Variants in CLEC2A observed in about 807,000 individuals in gnomAD.
CLEC2A encodes the protein keratinocyte-associated C-type lectin.
CLEC2A carries 19 observed loss-of-function variants against 18.6 expected under a neutral mutation model. That is an observed-to-expected ratio of 1.02 (90% CI 0.71 to 1.50). The LOEUF (loss-of-function observed/expected upper bound fraction) is 1.50, where lower values mean the gene tolerates loss of function less well. Ranked by LOEUF, CLEC2A falls within the 40% of genes most tolerant of loss-of-function variation. The pLI, the probability that CLEC2A is intolerant of heterozygous loss-of-function variation, is 0.00. For synonymous variants in CLEC2A, 74 were observed against 64.0 expected (o/e 1.16, Z -0.75); for missense variants, 190 against 207.9 (o/e 0.91, Z 0.53).
chr12:9,923,088 G>A (rs552420208), intron 2 of CLEC2A, among the ~76,000 whole-genome samples: 152 of 152,248 alleles, frequency 1.0e-3, no homozygotes, highest in Middle Eastern at 3.4e-3. Flanking sequence ...GGTTTGTGAC[G>A]TTGGTATACA....
In CLEC2A at chr12:9,913,611, A is replaced by G; in HGVS notation, c.480T>C (p.Phe160=). 1.3e-6 allele frequency: 2 copies of G among 1,550,042 alleles called. No homozygotes were observed. Among genetic ancestry groups the G allele is most frequent in the Non-Finnish European group, 1.7e-6 (2 of 1,146,806 alleles). ...SADGVHSSRG[F]IDIKWICSKP... The stretch of plus-strand genomic sequence containing the variant: ...TGCTGCAAATCCACTTGATATCAAT[A>G]AATCCTCTGGAACTATGGACTCCAT... The change falls in exon 5 of 5, where the codon TTT becomes TTC. Residue 160 remains phenylalanine, a synonymous_variant. Coordinates refer to ENST00000455827, the MANE Select transcript of CLEC2A (RefSeq NM_001130711.2).
chr12:9,929,294 C>T (rs1302708241), intron 1 of CLEC2A, among the ~76,000 whole-genome samples: 2 of 152,080 alleles, frequency 1.3e-5, no homozygotes, highest in African/African-American at 4.8e-5. Flanking sequence ...TAGCATTGTA[C>T]TACACTATTG....
chr12:9,920,892 C>T (rs1305041040), intron 3 of CLEC2A, among the ~76,000 whole-genome samples: 3 of 152,052 alleles, frequency 2.0e-5, no homozygotes, highest in Non-Finnish European at 4.4e-5. Flanking sequence ...TTTTTTCTGT[C>T]TATGCTTGGT....
intron 4 of CLEC2A, among the ~76,000 whole-genome samples, chr12:9,905,609 C>A (rs1862895862): frequency 6.6e-6 from 1 of 152,146 alleles, no homozygotes; most frequent in African/African-American, 2.4e-5. Context: ...TCCATGGGAA[C>A]CAAGTCTCTA....
chr12:9,924,438 A>AAACCC (rs372655564), intron 2 of CLEC2A, among the ~76,000 whole-genome samples: 141 of 152,018 alleles, frequency 9.3e-4, no homozygotes, highest in South Asian at 2.5e-3. Context: ...AGAATGACCG[A>AAACCC]AACCCAACCC....
the CLEC2A span, among the ~76,000 whole-genome samples, chr12:9,886,603 T>C: frequency 6.6e-6 from 1 of 152,030 alleles, no homozygotes; most frequent in Admixed American, 6.5e-5. Context: ...CTTTAATACA[T>C]ACAATGCTTA....
the CLEC2A span, among the ~76,000 whole-genome samples, chr12:9,891,280 G>C: frequency 6.6e-6 from 1 of 152,266 alleles, no homozygotes; most frequent in South Asian, 2.1e-4. Context: ...GATATAAAGA[G>C]TTGCTCAATA....
chr12:9,926,684 G>T (rs894220713), intron 1 of CLEC2A, among the ~76,000 whole-genome samples: 1 of 151,952 alleles, frequency 6.6e-6, no homozygotes, highest in Non-Finnish European at 1.5e-5. Context: ...AAAGGTCCAC[G>T]ATTAGAGCAA....
chr12:9,893,556 G>T, the CLEC2A span: 1 of 1,016,630 alleles, frequency 9.8e-7, no homozygotes, highest in Non-Finnish European at 1.5e-6. Flanking sequence ...GTAGTTATTT[G>T]TAAGGGAGGG....
downstream of CLEC2A, among the ~76,000 whole-genome samples, chr12:9,894,145 TC>T (rs1862725551): frequency 6.7e-6 from 1 of 150,280 alleles, no homozygotes; most frequent in African/African-American, 2.5e-5. Context: ...TCTCTCTCTC[TC>T]TCTCTCTCCC....
the CLEC2A span, chr12:9,893,271 ATG>A: frequency 1.8e-6 from 2 of 1,093,746 alleles, no homozygotes; most frequent in Non-Finnish European, 1.3e-6. Flanking sequence ...GCTTCTGAAC[ATG>A]TGTTAGCCAC....
chr12:9,897,251 A>T (rs907421253), downstream of CLEC2A, among the ~76,000 whole-genome samples: 5 of 152,164 alleles, frequency 3.3e-5, no homozygotes, highest in Non-Finnish European at 5.9e-5. Flanking sequence ...CCTTGCGTAA[A>T]TGAAACTTTC....
chr12:9,929,231 G>A (rs1190272620), intron 1 of CLEC2A, among the ~76,000 whole-genome samples: 1 of 151,900 alleles, frequency 6.6e-6, no homozygotes, highest in East Asian at 1.9e-4. Flanking sequence ...CTCTTCCATT[G>A]CAATCCTTGT....
At chr12:9,898,745 G>A in exon 5 of CLEC2A, 1 of 507,916 alleles carries the variant, frequency 2.0e-6, no homozygotes, top group Non-Finnish European at 3.6e-6. Context: ...AAGATGGAAA[G>A]AGGAGGATGA....
downstream of CLEC2A, among the ~76,000 whole-genome samples, chr12:9,894,124 C>T: frequency 1.1e-5 from 1 of 94,504 alleles, no homozygotes. Flanking sequence ...TCTTTCTTTT[C>T]TTTCTCTCTC....
At chr12:9,884,535 T>G in the CLEC2A span, among the ~76,000 whole-genome samples, 2 of 149,920 alleles carry the variant, frequency 1.3e-5, no homozygotes, top group African/African-American at 2.4e-5. Context: ...TATATACATT[T>G]TATATATTAT....
chr12:9,906,020 G>GTTTTTTTTTTTT (rs367651590), intron 4 of CLEC2A, among the ~76,000 whole-genome samples: 1 of 83,072 alleles, frequency 1.2e-5, no homozygotes. Flanking sequence ...CCACTTATTA[G>GTTTTTTTTTTTT]TTTTGTTTTT....
chr12:9,899,354 A>T (rs1048810546), intron 4 of CLEC2A, among the ~76,000 whole-genome samples: 13 of 152,158 alleles, frequency 8.5e-5, no homozygotes, highest in Non-Finnish European at 2.9e-5. Flanking sequence ...CGTAGTATGG[A>T]GACACAATTA....
chr12:9,902,496 G>C (rs1047996394), intron 4 of CLEC2A, among the ~76,000 whole-genome samples: 2 of 152,014 alleles, frequency 1.3e-5, no homozygotes, highest in Admixed American at 1.3e-4. Flanking sequence ...GCCTCCCAAA[G>C]TGCTGGGATT....
Sources: allele counts gnomAD v4.1 joint callset (sites outside exome capture counted in the v4.1 genomes callset), GRCh38; gene constraint gnomAD v4.1.1; transcripts MANE v1.5; gene names NCBI Gene and HGNC (gene_info 2026-07-23, HGNC 2026-07-21).